Variants in JAZF1 observed in about 807,000 individuals in gnomAD.
JAZF1 encodes juxtaposed with another zinc finger protein 1.
JAZF1 carries 8 observed loss-of-function variants against 26.4 expected under a neutral mutation model. That is an observed-to-expected ratio of 0.30 (90% CI 0.18 to 0.55). The LOEUF is 0.55. JAZF1 is among the 20% of genes least tolerant of loss of function. The pLI is 0.94. For synonymous variants in JAZF1, 126 were observed against 122.3 expected (o/e 1.03, Z -0.20); for missense variants, 199 against 322.0 (o/e 0.62, Z 2.92).
chr7:27,846,630 T>A, intron 3 of JAZF1: 1 of 458,642 alleles, frequency 2.2e-6, no homozygotes, highest in Non-Finnish European at 4.5e-6. Context: ...CTTGTCTTTT[T>A]GATCAGAGCT....
At chr7:28,139,488 G>C (rs924115218) in intron 1 of JAZF1, among the ~76,000 whole-genome samples, 1 of 152,214 alleles carries the variant, frequency 6.6e-6, no homozygotes, top group Admixed American at 6.5e-5. Context: ...CACACAGACA[G>C]ACATGCATAC....
chr7:28,018,864 T>A (rs1782947617), intron 1 of JAZF1, among the ~76,000 whole-genome samples: 1 of 152,176 alleles, frequency 6.6e-6, no homozygotes, highest in Non-Finnish European at 1.5e-5. Context: ...GGAAAACTTT[T>A]CCACAGATGA....
At chr7:27,984,474 A>G (rs868018473) in intron 2 of JAZF1, among the ~76,000 whole-genome samples, 1 of 152,194 alleles carries the variant, frequency 6.6e-6, no homozygotes, top group Non-Finnish European at 1.5e-5. Context: ...AGACCTACAA[A>G]GAGACTTAGA....
intron 2 of JAZF1, among the ~76,000 whole-genome samples, chr7:27,960,935 A>C (rs890691471): frequency 1.1e-4 from 17 of 152,212 alleles, no homozygotes; most frequent in Non-Finnish European, 2.4e-4. Flanking sequence ...TGACAGGCCA[A>C]AGAAAACCCT....
intron 1 of JAZF1, among the ~76,000 whole-genome samples, chr7:28,104,903 G>A (rs1304080443): frequency 6.6e-6 from 1 of 152,094 alleles, no homozygotes; most frequent in Non-Finnish European, 1.5e-5. Flanking sequence ...CTTAACCTAA[G>A]GCAGCTCAGG....
chr7:28,136,961 A>G (rs1782895452), intron 1 of JAZF1, among the ~76,000 whole-genome samples: 1 of 152,206 alleles, frequency 6.6e-6, no homozygotes, highest in Non-Finnish European at 1.5e-5. Flanking sequence ...GCAGGGCCAG[A>G]AAATAGCAAT....
At chr7:28,110,506 A>AGG (rs1784633050) in intron 1 of JAZF1, among the ~76,000 whole-genome samples, 2 of 102,610 alleles carry the variant, frequency 1.9e-5, no homozygotes, top group East Asian at 9.0e-4. Context: ...AGGAAAGGAA[A>AGG]AGGAAAGGAA....
At chr7:27,969,589 G>A (rs931006351) in intron 2 of JAZF1, among the ~76,000 whole-genome samples, 5 of 152,142 alleles carry the variant, frequency 3.3e-5, no homozygotes, top group Admixed American at 1.3e-4. Flanking sequence ...AATGACCAGA[G>A]ACTAAATTAC....
rs184980098 is a variant in JAZF1, at chr7:28,028,200, T to G, written c.116-36219A>C. Among the ~76,000 whole-genome samples the G allele has an allele frequency of 4.7e-3, 720 of 152,266 alleles. 17 individuals are homozygous for G. Among genetic ancestry groups the G allele is most frequent in the Middle Eastern group, 3.4e-3 (1 of 294 alleles). On this transcript the variant is annotated intron_variant, in intron 1 of 4. Coordinates refer to ENST00000283928, the MANE Select transcript of JAZF1 (RefSeq NM_175061.4). ...AAATCTGAAGCACCCAAGCAGTCATTACCCTCCCTTTCTTGACCTCTGGGT... is the reference window on the plus strand; with the variant it reads ...AAATCTGAAGCACCCAAGCAGTCATGACCCTCCCTTTCTTGACCTCTGGGT...
At chr7:27,994,376 A>G (rs1181059612) in intron 1 of JAZF1, among the ~76,000 whole-genome samples, 3 of 151,918 alleles carry the variant, frequency 2.0e-5, no homozygotes, top group Non-Finnish European at 4.4e-5. Context: ...TTAGGCTCAC[A>G]TATCCTCAAA....
chr7:28,015,152 A>G (rs2128371320), intron 1 of JAZF1, among the ~76,000 whole-genome samples: 1 of 152,238 alleles, frequency 6.6e-6, no homozygotes, highest in Middle Eastern at 3.4e-3. Context: ...CTACTGACAG[A>G]GCTTCAGAGT....
intron 1 of JAZF1, among the ~76,000 whole-genome samples, chr7:28,082,232 C>T (rs1050131397): frequency 6.6e-6 from 1 of 152,134 alleles, no homozygotes; most frequent in African/African-American, 2.4e-5. Flanking sequence ...TCACCTCCTT[C>T]AAGACAATGC....
At chr7:28,166,367 C>T (rs139082462) in intron 1 of JAZF1, among the ~76,000 whole-genome samples, 174 of 152,290 alleles carry the variant, frequency 1.1e-3, no homozygotes, top group African/African-American at 4.1e-3. Context: ...TGAGAAGCTT[C>T]CAGTGTTTAA....
chr7:27,888,122 G>C (rs571967687), intron 3 of JAZF1, among the ~76,000 whole-genome samples: 1 of 152,306 alleles, frequency 6.6e-6, no homozygotes, highest in South Asian at 2.1e-4. Context: ...TGTGAAAAGG[G>C]AAATGTAAAT....
intron 2 of JAZF1, among the ~76,000 whole-genome samples, chr7:27,983,247 G>A (rs949616491): frequency 5.3e-5 from 8 of 152,178 alleles, no homozygotes; most frequent in South Asian, 2.1e-4. Flanking sequence ...TGTAGAGAAA[G>A]CCTTAAATGA....
At chr7:27,950,324 T>G (rs1053925777) in intron 2 of JAZF1, among the ~76,000 whole-genome samples, 16 of 152,176 alleles carry the variant, frequency 1.1e-4, no homozygotes, top group Admixed American at 9.2e-4. Flanking sequence ...GCGAATCACT[T>G]GAGGGACTAA....
At chr7:28,032,105 A>T (rs1461269125) in intron 1 of JAZF1, among the ~76,000 whole-genome samples, 1 of 152,330 alleles carries the variant, frequency 6.6e-6, no homozygotes, top group East Asian at 1.9e-4. Flanking sequence ...CAACAAATCT[A>T]AAAGTTCTAA....
intron 2 of JAZF1, among the ~76,000 whole-genome samples, chr7:27,896,440 C>G (rs537457322): frequency 6.6e-4 from 100 of 152,248 alleles, no homozygotes; most frequent in Admixed American, 4.8e-3. Context: ...ATGATAAAAC[C>G]ACAGCTGTCC....
intron 1 of JAZF1, among the ~76,000 whole-genome samples, chr7:28,099,703 C>T (rs531252487): frequency 1.3e-5 from 2 of 152,250 alleles, no homozygotes; most frequent in African/African-American, 4.8e-5. Context: ...CTCAAACTCC[C>T]GACCTCAGGT....
Sources: allele counts gnomAD v4.1 joint callset (sites outside exome capture counted in the v4.1 genomes callset), GRCh38; gene constraint gnomAD v4.1.1; transcripts MANE v1.5; gene names NCBI Gene and HGNC (gene_info 2026-07-23, HGNC 2026-07-21).